COLGALT2: variants seen among roughly 807,000 people sequenced by gnomAD.
COLGALT2 encodes the protein collagen beta(1-O)galactosyltransferase 2.
COLGALT2 carries 49 observed loss-of-function variants against 73.4 expected under a neutral mutation model. The observed-to-expected ratio is 0.67, with a 90% CI of 0.53 to 0.85. COLGALT2 has a LOEUF of 0.85. Ranked by LOEUF, COLGALT2 falls within the 40% of genes least tolerant of loss-of-function variation. The probability of loss-of-function intolerance (pLI) is 0.00; values close to 1 mark genes in which losing one functional copy is unlikely to be tolerated. For missense variants in COLGALT2, 722 were observed against 790.2 expected, an observed-to-expected ratio of 0.91 and a Z score of 1.03; for synonymous variants, 295 against 307.6, an observed-to-expected ratio of 0.96 and a Z score of 0.43.
At chr1:183,945,054 C>T (rs557414576) in intron 9 of COLGALT2, among the ~76,000 whole-genome samples, 11 of 152,296 alleles carry the variant, frequency 7.2e-5, no homozygotes, top group African/African-American at 2.6e-4. Flanking sequence ...ATTTCTTCTT[C>T]GGTAAAGGTG....
chr1:183,954,915 T>TC, intron 6 of COLGALT2, 77 bp from the exon 7 acceptor site: 1 of 1,117,570 alleles, frequency 8.9e-7, no homozygotes, highest in Non-Finnish European at 1.4e-6. Flanking sequence ...GCATGCCTGA[T>TC]CTCTAGGGTT....
At chr1:183,967,370 C>T (rs902841238) in intron 5 of COLGALT2, among the ~76,000 whole-genome samples, 1 of 152,218 alleles carries the variant, frequency 6.6e-6, no homozygotes, top group African/African-American at 2.4e-5. Context: ...GGAGTTCATC[C>T]TCTCTCTTTC....
chr1:183,974,570 A>G (rs551860574), intron 3 of COLGALT2, among the ~76,000 whole-genome samples: 13 of 152,332 alleles, frequency 8.5e-5, no homozygotes, highest in Non-Finnish European at 1.5e-4. Context: ...AGTGTGCGTG[A>G]TACATTTTTG....
chr1:183,969,580 G>A, intron 4 of COLGALT2, 107 bp from the exon 5 acceptor site: 1 of 979,248 alleles, frequency 1.0e-6, no homozygotes, highest in Non-Finnish European at 1.5e-6. Context: ...CTATATACAA[G>A]CTCCCAAACA....
intron 5 of COLGALT2, 80 bp from the exon 6 acceptor site, chr1:183,964,100 T>G (rs143862213): frequency 2.3e-4 from 347 of 1,498,018 alleles, no homozygotes; most frequent in Non-Finnish European, 2.8e-4. Flanking sequence ...GAACCTGAAC[T>G]GTGTCTGATG....
intron 1 of COLGALT2, among the ~76,000 whole-genome samples, chr1:184,003,704 TAA>T (rs1012081305): frequency 6.6e-6 from 1 of 152,228 alleles, no homozygotes; most frequent in African/African-American, 2.4e-5. Context: ...AGTATGTTTT[TAA>T]AGAGTTATTC....
rs569981318 is a variant in COLGALT2 at position 183,979,045 on chromosome 1, T to C, written c.264-525A>G. Among the ~76,000 whole-genome samples, 3 of 152,316 alleles carry C rather than the reference T, an allele frequency of 2.0e-5. No individual in the cohort carries two copies. The South Asian group carries it at 6.2e-4, about 32-fold the overall frequency. On this transcript the variant is annotated intron_variant, in intron 1 of 11. Coordinates refer to ENST00000361927, the MANE Select transcript of COLGALT2 (RefSeq NM_015101.4). ...GAAGCTACAATAATAATTCTCAATA[T>C]AAAACTCAAAATTTAAGGTATGTTC...
intron 1 of COLGALT2, among the ~76,000 whole-genome samples, chr1:184,031,456 C>G (rs143198844): frequency 7.2e-5 from 11 of 152,300 alleles, no homozygotes; most frequent in African/African-American, 2.4e-4. Context: ...GGAAGAGAAC[C>G]ACTAAGACCC....
At chr1:184,008,491 A>G (rs1422134988) in intron 1 of COLGALT2, among the ~76,000 whole-genome samples, 1 of 152,152 alleles carries the variant, frequency 6.6e-6, no homozygotes, top group African/African-American at 2.4e-5. Flanking sequence ...ACATTTTGGG[A>G]GGTTGAGGCG....
chr1:184,016,252 G>A (rs1297231891), intron 1 of COLGALT2, among the ~76,000 whole-genome samples: 1 of 152,306 alleles, frequency 6.6e-6, no homozygotes, highest in African/African-American at 2.4e-5. Context: ...CAAATCTGGA[G>A]TGGGACTTCT....
At chr1:184,013,187 C>T (rs34922778) in intron 1 of COLGALT2, among the ~76,000 whole-genome samples, 10,563 of 152,144 alleles carry the variant, frequency 0.069, 528 homozygotes, top group Admixed American at 0.14. Flanking sequence ...TGGTGGTGCA[C>T]GACTGTAATC....
intron 3 of COLGALT2, 38 bp from the exon 4 acceptor site, chr1:183,973,788 C>T (rs1553316445): frequency 6.2e-7 from 1 of 1,602,022 alleles, no homozygotes; most frequent in Admixed American, 1.7e-5. Flanking sequence ...TGAAAAGGTA[C>T]TTTTCAGTAA....
intron 1 of COLGALT2, among the ~76,000 whole-genome samples, chr1:183,982,539 GTAAGT>G (rs550282365): frequency 3.3e-4 from 50 of 152,200 alleles, no homozygotes; most frequent in Admixed American, 9.2e-4. Flanking sequence ...ATGAAGAGGA[GTAAGT>G]TAAAACTAAG....
In COLGALT2 at chr1:183,990,312, A is replaced by C. The variant is rs183264554; in HGVS notation, c.264-11792T>G. Among the ~76,000 whole-genome samples, 107 of 152,310 alleles carry C rather than the reference A, an allele frequency of 7.0e-4. 1 individual carries two copies. The highest frequency in any genetic ancestry group is 2.5e-3 in the African/African-American group (102 of 41,574). On this transcript the variant is annotated intron_variant, in intron 1 of 11. Transcript: ENST00000361927. ...AAATATTTGTTGAATGGTTCCTTTC[A>C]CATCAAACTCCTAGCCTAATAAGAA...
intron 11 of COLGALT2, among the ~76,000 whole-genome samples, 192 bp downstream of exon 11, chr1:183,940,389 C>T (rs1460195056): frequency 6.6e-6 from 1 of 152,208 alleles, no homozygotes; most frequent in African/African-American, 2.4e-5. Context: ...GGACACTCAC[C>T]ATCTCTGCCT....
chr1:183,944,326 G>C lies in COLGALT2; in HGVS notation c.1270-3C>G, dbSNP rs1462028064. On this transcript the variant is annotated splice_polypyrimidine_tract_variant and splice_region_variant and intron_variant, in intron 9 of 11. Transcript: ENST00000361927. ...TTCTCTAGCTCTCGATCAATTACCT[G>C]CAAAAGTCATCAGTAGGAAGATACC... 6.2e-7 allele frequency: 1 copy of C among 1,610,448 alleles called. No homozygotes were observed.
In COLGALT2 at chr1:184,028,445, A is replaced by G. The variant is rs60874693; in HGVS notation, c.263+8650T>C. Among the ~76,000 whole-genome samples, 476 of 151,724 alleles carry G rather than the reference A, an allele frequency of 3.1e-3. 2 individuals are homozygous for G. Among genetic ancestry groups the G allele is most frequent in the African/African-American group, 0.011 (443 of 41,338 alleles). On this transcript the variant is annotated intron_variant, in intron 1 of 11. Transcript: ENST00000361927. ...CCCCATCTCCAAAACATATACAATC[A>G]CTCTCAGAAAGAAAAGGGACTGGAA... is the stretch of plus-strand genomic sequence containing the variant.
chr1:183,949,999 A>G (rs1670353010), intron 8 of COLGALT2, among the ~76,000 whole-genome samples: 1 of 152,202 alleles, frequency 6.6e-6, no homozygotes, highest in South Asian at 2.1e-4. Flanking sequence ...TTAGGAAGTG[A>G]AAAACACAAA....
chr1:184,020,813 T>G (rs1394175887), intron 1 of COLGALT2, among the ~76,000 whole-genome samples: 1 of 152,142 alleles, frequency 6.6e-6, no homozygotes, highest in Admixed American at 6.5e-5. Flanking sequence ...GTTCTTAGAT[T>G]GTATGGGTCA....
Sources: allele counts gnomAD v4.1 joint callset (sites outside exome capture counted in the v4.1 genomes callset), GRCh38; gene constraint gnomAD v4.1.1; transcripts MANE v1.5; gene names NCBI Gene and HGNC (gene_info 2026-07-23, HGNC 2026-07-21).